The following CCDC195 variants were observed in gnomAD, a reference collection of about 807,000 sequenced individuals.
CCDC195 encodes coiled-coil domain-containing protein 195.
At chr2:224,712,091 C>G (rs1168840875) in intron 1 of CCDC195, among the ~76,000 whole-genome samples, 2 of 152,126 alleles carry the variant, frequency 1.3e-5, no homozygotes, top group African/African-American at 4.8e-5. Flanking sequence ...TTACTTGGGA[C>G]CTACAGTTAA....
intron 1 of CCDC195, among the ~76,000 whole-genome samples, chr2:224,713,657 G>A (rs1289521498): frequency 1.3e-5 from 2 of 152,144 alleles, no homozygotes; most frequent in Non-Finnish European, 2.9e-5. Flanking sequence ...TATTATAATA[G>A]CACATAACAT....
Position 224,713,138 on chromosome 2 carries a change from A to G in CCDC195, c.236-2919T>C, listed in dbSNP as rs1266295590. Among the ~76,000 whole-genome samples, 9 of 152,158 alleles carry G rather than the reference A, an allele frequency of 5.9e-5. No individual in the cohort carries two copies. The East Asian group carries it at 1.7e-3, about 29-fold the overall frequency. The stretch of plus-strand genomic sequence containing the variant: ...CACCTTGGCCTCCCAAAGTGCTGAG[A>G]TTTCAGGAGTGAGCCACTGTGCCTG... On this transcript the variant is annotated intron_variant, in intron 1 of 2. Coordinates refer to ENST00000638102, the Ensembl canonical transcript of CCDC195.
chr2:224,714,176 A>T (rs560369704), intron 1 of CCDC195, among the ~76,000 whole-genome samples: 1 of 152,242 alleles, frequency 6.6e-6, no homozygotes, highest in Admixed American at 6.5e-5. Flanking sequence ...TAACATTCTT[A>T]TTGGAAATTA....
intron 1 of CCDC195, 80 bp from the exon 2 acceptor site, chr2:224,710,299 T>G (rs1421607497): frequency 5.0e-6 from 2 of 397,654 alleles, no homozygotes; most frequent in Non-Finnish European, 8.9e-6. Flanking sequence ...AGAATTTTAT[T>G]GAAACTAACT....
chr2:224,706,292 G>C (rs1241430655), intron 2 of CCDC195, among the ~76,000 whole-genome samples: 2 of 123,716 alleles, frequency 1.6e-5, no homozygotes, highest in African/African-American at 3.1e-5. Flanking sequence ...TGCAACCTCC[G>C]CCTCCCAGGT....
chr2:224,706,889 G>GTATA lies in CCDC195; in HGVS notation c.483-3006_483-3003dup, dbSNP rs140990871. On this transcript the variant is annotated intron_variant, in intron 2 of 2. Transcript: ENST00000638102. Reference sequence around the variant, plus strand: ...TATATATATGTATGTGTGTCTGTGTGTATATATATATATATATACACACAC... The same window carrying GTATA: ...TATATATATGTATGTGTGTCTGTGTGTATATATATATATATATATATACACACAC... 3.3e-3 allele frequency among the ~76,000 whole-genome samples: 471 copies of GTATA among 141,250 alleles called. 7 individuals carry two copies. The highest frequency in any genetic ancestry group is 0.011 in the African/African-American group (433 of 39,240). 92.7% of individuals were successfully genotyped at this position (141,250 alleles called of 152,430 possible). A position where few individuals can be genotyped will look rare whatever the true frequency, so the allele number is the denominator to read the frequency against.
chr2:224,711,662 G>A (rs1157641241), intron 1 of CCDC195, among the ~76,000 whole-genome samples: 2 of 152,148 alleles, frequency 1.3e-5, no homozygotes, highest in South Asian at 2.1e-4. Context: ...GCATGAAAGC[G>A]TAAAAAAACC....
At chr2:224,708,244 A>G (rs1435863520) in intron 2 of CCDC195, among the ~76,000 whole-genome samples, 1 of 152,184 alleles carries the variant, frequency 6.6e-6, no homozygotes, top group African/African-American at 2.4e-5. Flanking sequence ...TAATTTCTGA[A>G]TATTTACAGA....
rs116638335 is a variant in CCDC195 at position 224,712,624 on chromosome 2, C to T, written c.236-2405G>A. ...CTCACCACACATACCAAGGAACACA[C>T]GGAGGAACTTTTAGCTCTAAGTGAT... On this transcript the variant is annotated intron_variant, in intron 1 of 2. Transcript: ENST00000638102. 5.6e-3 allele frequency among the ~76,000 whole-genome samples: 852 copies of T among 152,256 alleles called. 3 individuals are homozygous for T. The highest frequency in any genetic ancestry group is 9.5e-3 in the Non-Finnish European group (643 of 68,022).
At chr2:224,711,472 G>A (rs1689319548) in intron 1 of CCDC195, among the ~76,000 whole-genome samples, 1 of 151,326 alleles carries the variant, frequency 6.6e-6, no homozygotes. Flanking sequence ...TCTGTGATCT[G>A]GAGCTGGTCA....
chr2:224,712,569 G>A (rs1689329213), intron 1 of CCDC195, among the ~76,000 whole-genome samples: 1 of 152,136 alleles, frequency 6.6e-6, no homozygotes, highest in Admixed American at 6.5e-5. Flanking sequence ...GGGAAGTAGG[G>A]TTCTCCATTC....
At chr2:224,715,743 C>T (rs1285371940) in intron 1 of CCDC195, among the ~76,000 whole-genome samples, 1 of 152,172 alleles carries the variant, frequency 6.6e-6, no homozygotes, top group Non-Finnish European at 1.5e-5. Flanking sequence ...ATTCCCTTAT[C>T]TGGTGTGCAG....
intron 1 of CCDC195, among the ~76,000 whole-genome samples, chr2:224,714,088 C>CCTT (rs1689353859): frequency 6.6e-6 from 1 of 152,146 alleles, no homozygotes; most frequent in Non-Finnish European, 1.5e-5. Context: ...GATCCTCCTG[C>CCTT]CTTCGCCTCC....
intron 1 of CCDC195, among the ~76,000 whole-genome samples, chr2:224,713,229 T>C (rs188418782): frequency 2.0e-4 from 31 of 152,322 alleles, no homozygotes; most frequent in African/African-American, 7.2e-4. Flanking sequence ...TGAATTTCAA[T>C]TGATGTTGGC....
chr2:224,715,943 G>A (rs2124856376), intron 1 of CCDC195, among the ~76,000 whole-genome samples, 188 bp downstream of exon 1: 1 of 152,318 alleles, frequency 6.6e-6, no homozygotes, highest in Admixed American at 6.5e-5. Flanking sequence ...TTGCTATAAT[G>A]TGTTGCTTGA....
chr2:224,704,135 A>G (rs1324133081), intron 2 of CCDC195, among the ~76,000 whole-genome samples: 1 of 152,234 alleles, frequency 6.6e-6, no homozygotes, highest in Non-Finnish European at 1.5e-5. Flanking sequence ...GGGAGAGACT[A>G]TATGGCTGAG....
intron 2 of CCDC195, among the ~76,000 whole-genome samples, chr2:224,707,566 A>G (rs1483324657): frequency 1.3e-5 from 2 of 152,200 alleles, no homozygotes; most frequent in East Asian, 3.9e-4. Context: ...TTCTTTATTC[A>G]CTTTATTTTT....
chr2:224,709,694 A>C (rs1689289552), intron 2 of CCDC195, among the ~76,000 whole-genome samples: 1 of 152,240 alleles, frequency 6.6e-6, no homozygotes. Flanking sequence ...TGAATCTTGT[A>C]TCACCAGTGC....
At chr2:224,707,080 A>G (rs893317713) in intron 2 of CCDC195, among the ~76,000 whole-genome samples, 2 of 152,082 alleles carry the variant, frequency 1.3e-5, no homozygotes, top group African/African-American at 2.4e-5. Context: ...TTTGATGCAC[A>G]TCTAGAAATC....
Sources: gnomAD v4.1 joint callset for allele counts (sites outside exome capture counted in the v4.1 genomes callset) on GRCh38, gnomAD v4.1.1 for gene constraint, MANE v1.5 for transcripts, NCBI Gene and HGNC (gene_info 2026-07-23, HGNC 2026-07-21) for gene names.